Variants in DPP6 observed in about 807,000 individuals in gnomAD.
DPP6 encodes the protein dipeptidyl peptidase like 6, also known as A-type potassium channel modulatory protein DPP6.
In DPP6, 69 loss-of-function variants were observed where a neutral mutation model predicts 122.6. That is an observed-to-expected ratio of 0.56 (90% CI 0.46 to 0.69). The LOEUF (loss-of-function observed/expected upper bound fraction) is 0.69. Among genes scored for constraint, DPP6 ranks in the 30% least tolerant of loss-of-function variants. The probability of loss-of-function intolerance (pLI) is 0.00; values close to 1 mark genes in which losing one functional copy is unlikely to be tolerated. For missense variants in DPP6, 928 were observed against 1,116.9 expected (o/e 0.83, Z 2.41); for synonymous variants, 418 against 433.1 (o/e 0.97, Z 0.43).
At position 154,485,893 on chromosome 7, in the gene DPP6, T is replaced by G. The variant is rs544462367; in HGVS notation, c.457+10856T>G. Among the ~76,000 whole-genome samples, 116 of 151,930 alleles carry G rather than the reference T, an allele frequency of 7.6e-4. 2 individuals are homozygous for G. The highest frequency in any genetic ancestry group is 2.7e-3 in the African/African-American group (110 of 41,470). ...GTGCCATGTTGGTGTGCTGCACCCA[T>G]TAACTCTTCATTTAACATTAGGTAT... On this transcript the variant is annotated intron_variant, in intron 3 of 25. Transcript: ENST00000377770.
At chr7:153,868,922 TC>T in the DPP6 span, among the ~76,000 whole-genome samples, 3 of 152,230 alleles carry the variant, frequency 2.0e-5, no homozygotes, top group African/African-American at 7.2e-5. Context: ...CAGTAGTCAT[TC>T]AGGAGCAGGT....
chr7:154,252,774 A>G (rs1042740640), intron 1 of DPP6, among the ~76,000 whole-genome samples: 3 of 152,202 alleles, frequency 2.0e-5, no homozygotes, highest in African/African-American at 7.2e-5. Context: ...GTCTTTGCCA[A>G]TTTCACTGCC....
intron 5 of DPP6, among the ~76,000 whole-genome samples, chr7:154,583,605 C>T (rs1434786891): frequency 6.6e-6 from 1 of 152,194 alleles, no homozygotes; most frequent in Non-Finnish European, 1.5e-5. Flanking sequence ...GCAGAAGCCT[C>T]CCCAGGAAGC....
At chr7:153,809,057 T>C in the DPP6 span, among the ~76,000 whole-genome samples, 1 of 151,938 alleles carries the variant, frequency 6.6e-6, no homozygotes, top group Non-Finnish European at 1.5e-5. Context: ...CCACCAACAC[T>C]CATTATATTT....
At position 154,007,968 on chromosome 7, in the gene DPP6, C is replaced by T. The variant is rs181671406; in HGVS notation, c.51+120234C>T. Among the ~76,000 whole-genome samples the T allele has an allele frequency of 8.6e-3, 1,306 of 152,026 alleles. 7 individuals carry two copies. Among genetic ancestry groups the T allele is most frequent in the African/African-American group, 0.03 (1,224 of 41,308 alleles). On this transcript the variant is annotated intron_variant, in intron 1 of 25. Transcript: ENST00000404039. ...AGGCATACCATGCCGTGAGGCTCAG[C>T]GAGATGCAACGGAGTGTGGGCAGTG... is the stretch of plus-strand genomic sequence containing the variant.
the DPP6 span, among the ~76,000 whole-genome samples, chr7:153,810,101 C>T: frequency 6.6e-6 from 1 of 152,208 alleles, no homozygotes; most frequent in Non-Finnish European, 1.5e-5. Context: ...CAAAGTTCAC[C>T]GACTTGATGC....
chr7:154,259,522 T>C (rs1802862493), intron 1 of DPP6, among the ~76,000 whole-genome samples: 1 of 152,048 alleles, frequency 6.6e-6, no homozygotes. Flanking sequence ...GTAATTGTGA[T>C]GGGAGAAAAG....
intron 17 of DPP6, among the ~76,000 whole-genome samples, chr7:154,854,224 C>T (rs1384983668): frequency 6.6e-6 from 1 of 152,162 alleles, no homozygotes; most frequent in East Asian, 1.9e-4. Context: ...GGTCTGGGAG[C>T]TTCACGGCAT....
At chr7:153,848,633 T>G in the DPP6 span, among the ~76,000 whole-genome samples, 23 of 152,346 alleles carry the variant, frequency 1.5e-4, no homozygotes, top group East Asian at 4.4e-3. Flanking sequence ...TGGTTTTCTT[T>G]TTAAAAAATT....
intron 1 of DPP6, among the ~76,000 whole-genome samples, chr7:154,069,792 C>CCTAAT: frequency 6.8e-6 from 1 of 146,600 alleles, no homozygotes. Flanking sequence ...TGGCTCACGT[C>CCTAAT]CCTAATCCCA....
intron 4 of DPP6, among the ~76,000 whole-genome samples, chr7:154,564,870 T>C (rs1830644103): frequency 6.6e-6 from 1 of 152,208 alleles, no homozygotes; most frequent in Non-Finnish European, 1.5e-5. Context: ...ACTATTCTGC[T>C]TTCTCATTTC....
At chr7:154,407,057 C>T (rs286840) in intron 1 of DPP6, among the ~76,000 whole-genome samples, 18,892 of 152,130 alleles carry the variant, frequency 0.12, 1,306 homozygotes, top group South Asian at 0.17. Context: ...TTCATTGCCC[C>T]AGCCTACTTG....
chr7:154,761,015 A>T (rs1795515009), intron 8 of DPP6, among the ~76,000 whole-genome samples: 1 of 152,006 alleles, frequency 6.6e-6, no homozygotes, highest in Non-Finnish European at 1.5e-5. Context: ...TTGTATTTTT[A>T]GTAGAGACAG....
At chr7:154,669,288 T>A (rs1360639437) in intron 6 of DPP6, 72 bp from the exon 7 acceptor site, 22 of 1,550,972 alleles carry the variant, frequency 1.4e-5, no homozygotes, top group Non-Finnish European at 1.8e-5. Context: ...AGGTAGGGGA[T>A]AAAATTGCAG....
chr7:154,645,646 T>C lies in DPP6; in HGVS notation c.680+7773T>C, dbSNP rs1435754285. The stretch of plus-strand genomic sequence containing the variant: ...CACACTTACTCCATCCATATATTAG[T>C]TGCCTAATGCATGGGGTTTATGGTG... On this transcript the variant is annotated intron_variant, in intron 6 of 25. Transcript: ENST00000377770. Among the ~76,000 whole-genome samples the C allele has an allele frequency of 2.0e-5, 3 of 152,190 alleles. No individual in the cohort carries two copies. In the East Asian group the frequency reaches 5.8e-4, roughly 29 times the overall value.
intron 1 of DPP6, among the ~76,000 whole-genome samples, chr7:154,065,997 T>C (rs369227714): frequency 0.01 from 1,567 of 149,608 alleles, 12 homozygotes; most frequent in Non-Finnish European, 0.016. Flanking sequence ...CTCACCTTCA[T>C]ACTTCTGTGA....
At chr7:153,814,494 AC>A in the DPP6 span, among the ~76,000 whole-genome samples, 2 of 152,132 alleles carry the variant, frequency 1.3e-5, no homozygotes, top group East Asian at 3.9e-4. Context: ...AGAGTCCAGG[AC>A]CAGATGGATT....
intron 6 of DPP6, among the ~76,000 whole-genome samples, chr7:154,639,821 C>T (rs187807457): frequency 1.8e-4 from 27 of 152,282 alleles, no homozygotes; most frequent in African/African-American, 6.3e-4. Flanking sequence ...TTTCATATAC[C>T]TTTATCCCTG....
At chr7:153,781,883 T>C in the DPP6 span, among the ~76,000 whole-genome samples, 5 of 151,670 alleles carry the variant, frequency 3.3e-5, no homozygotes, top group Non-Finnish European at 7.4e-5. Flanking sequence ...GTTACTGTTT[T>C]AAATCAAGTC....
Sources: allele counts gnomAD v4.1 joint callset (sites outside exome capture counted in the v4.1 genomes callset), GRCh38; gene constraint gnomAD v4.1.1; transcripts MANE v1.5; gene names NCBI Gene and HGNC (gene_info 2026-07-23, HGNC 2026-07-21).